Variants in CATSPERT observed in about 807,000 individuals in gnomAD.
CATSPERT encodes catsper channel auxiliary subunit tau, also known as cation channel sperm-associated targeting subunit tau.
the CATSPERT span, chr2:201,493,027 CT>C: frequency 6.5e-7 from 1 of 1,536,364 alleles, no homozygotes; most frequent in Admixed American, 2.0e-5. Flanking sequence ...TTCTGTGTCA[CT>C]TGTAAAAGAA....
chr2:201,580,049 T>C, the CATSPERT span, among the ~76,000 whole-genome samples: 5 of 152,080 alleles, frequency 3.3e-5, no homozygotes, highest in African/African-American at 1.2e-4. Flanking sequence ...GGTCTTGCTA[T>C]GTTGCCAGAC....
the CATSPERT span, among the ~76,000 whole-genome samples, chr2:201,543,202 T>G: frequency 6.6e-6 from 1 of 152,150 alleles, no homozygotes; most frequent in African/African-American, 2.4e-5. Flanking sequence ...TCTTCTATTC[T>G]ATTGATCTAT....
the CATSPERT span, among the ~76,000 whole-genome samples, chr2:201,587,966 T>G: frequency 6.6e-6 from 1 of 152,136 alleles, no homozygotes; most frequent in Non-Finnish European, 1.5e-5. Context: ...AATCCCTGAA[T>G]AGACCAATAA....
the CATSPERT span, among the ~76,000 whole-genome samples, chr2:201,612,783 G>A: frequency 6.6e-6 from 1 of 152,220 alleles, no homozygotes; most frequent in South Asian, 2.1e-4. Context: ...CAGAGGGTTG[G>A]GGAATTCCCT....
the CATSPERT span, among the ~76,000 whole-genome samples, chr2:201,562,141 T>C: frequency 6.6e-6 from 1 of 151,832 alleles, no homozygotes; most frequent in Non-Finnish European, 1.5e-5. Context: ...TTTGGTATGC[T>C]GACTCCTTTC....
chr2:201,595,258 G>C, the CATSPERT span, among the ~76,000 whole-genome samples: 1 of 149,964 alleles, frequency 6.7e-6, no homozygotes, highest in Non-Finnish European at 1.5e-5. Context: ...GCGGGATCTC[G>C]GCTCACTGCA....
At chr2:201,561,744 C>T in the CATSPERT span, among the ~76,000 whole-genome samples, 8,356 of 151,956 alleles carry the variant, frequency 0.055, 281 homozygotes, top group African/African-American at 0.08. Context: ...CATGGTGGCA[C>T]ATGCCTGTAG....
the CATSPERT span, among the ~76,000 whole-genome samples, chr2:201,596,694 T>C: frequency 6.6e-6 from 1 of 152,226 alleles, no homozygotes; most frequent in African/African-American, 2.4e-5. Context: ...AGCTTCAATT[T>C]GAATGATTTT....
chr2:201,498,070 A>G, the CATSPERT span, among the ~76,000 whole-genome samples: 4 of 152,208 alleles, frequency 2.6e-5, no homozygotes, highest in Non-Finnish European at 4.4e-5. Flanking sequence ...ATACATTCCA[A>G]GTCAGTGTAT....
chr2:201,493,911 T>C, the CATSPERT span: 1 of 1,537,260 alleles, frequency 6.5e-7, no homozygotes, highest in Non-Finnish European at 8.7e-7. Flanking sequence ...GAGATTGTCC[T>C]GGTCCACTTT....
the CATSPERT span, among the ~76,000 whole-genome samples, chr2:201,515,758 A>G: frequency 5.3e-5 from 8 of 152,186 alleles, no homozygotes; most frequent in Non-Finnish European, 1.0e-4. Flanking sequence ...CTCATATCAA[A>G]TTGTAATAAC....
the CATSPERT span, among the ~76,000 whole-genome samples, chr2:201,614,058 G>A: frequency 3.3e-5 from 5 of 152,176 alleles, no homozygotes; most frequent in Admixed American, 6.5e-5. Context: ...ATGGGACTAC[G>A]TGAAAAGACC....
At chr2:201,585,999 A>T in the CATSPERT span, among the ~76,000 whole-genome samples, 1 of 151,904 alleles carries the variant, frequency 6.6e-6, no homozygotes, top group Admixed American at 6.6e-5. Flanking sequence ...AGCAAGACCA[A>T]CCTCTCTTCT....
At chr2:201,614,461 A>G in the CATSPERT span, among the ~76,000 whole-genome samples, 1 of 152,124 alleles carries the variant, frequency 6.6e-6, no homozygotes, top group Non-Finnish European at 1.5e-5. Context: ...GCCAAACTAA[A>G]CTTCATAAGT....
At chr2:201,597,419 A>G in the CATSPERT span, among the ~76,000 whole-genome samples, 1 of 152,152 alleles carries the variant, frequency 6.6e-6, no homozygotes, top group African/African-American at 2.4e-5. Context: ...TTTATCTGCT[A>G]TTCCTTTTTC....
chr2:201,565,956 T>TTC, the CATSPERT span: 55,777 of 1,284,300 alleles, frequency 0.043, 1,434 homozygotes, highest in African/African-American at 0.076. Context: ...TTTTGAACCC[T>TTC]TCTCTTTTAC....
At chr2:201,528,451 A>G in the CATSPERT span, among the ~76,000 whole-genome samples, 1 of 152,176 alleles carries the variant, frequency 6.6e-6, no homozygotes, top group Admixed American at 6.5e-5. Context: ...CCAAAAAGAC[A>G]CATTCATGTA....
At chr2:201,601,648 T>C in the CATSPERT span, 1 of 1,255,686 alleles carries the variant, frequency 8.0e-7, no homozygotes, top group Non-Finnish European at 1.1e-6. Context: ...TTGTTTCTTT[T>C]CTACTCATTT....
chr2:201,540,750 CA>C, the CATSPERT span, among the ~76,000 whole-genome samples: 1 of 152,348 alleles, frequency 6.6e-6, no homozygotes, highest in African/African-American at 2.4e-5. Context: ...ATCCATTCTG[CA>C]GCTCACAGAT....
Sources: allele counts gnomAD v4.1 joint callset (sites outside exome capture counted in the v4.1 genomes callset), GRCh38; gene constraint gnomAD v4.1.1; transcripts MANE v1.5; gene names NCBI Gene and HGNC (gene_info 2026-07-23, HGNC 2026-07-21).